Variants in ASCC3 observed in about 807,000 individuals in gnomAD.
ASCC3 encodes the protein activating signal cointegrator 1 complex subunit 3, also known as ASC-1 complex subunit P200.
ASCC3 carries 158 observed loss-of-function variants against 256.3 expected under a neutral mutation model. That is an observed-to-expected ratio of 0.62 (90% confidence interval 0.54 to 0.70). ASCC3 has a LOEUF of 0.70. ASCC3 is among the 30% of genes least tolerant of loss of function. The probability of loss-of-function intolerance (pLI) is 0.00; values close to 1 mark genes in which losing one functional copy is unlikely to be tolerated. For missense variants in ASCC3, 2,259 were observed against 2,626.0 expected (o/e 0.86, Z 3.05); for synonymous variants, 948 against 883.4 (o/e 1.07, Z -1.30).
intron 4 of ASCC3, among the ~76,000 whole-genome samples, chr6:100,828,103 A>AAC (rs1252128981): frequency 4.6e-5 from 7 of 151,220 alleles, no homozygotes; most frequent in African/African-American, 7.3e-5. Context: ...AAAAAAAAAA[A>AAC]AAAAACGAAA....
chr6:100,660,599 C>T (rs74848909), intron 16 of ASCC3, among the ~76,000 whole-genome samples: 11 of 151,670 alleles, frequency 7.3e-5, no homozygotes, highest in African/African-American at 2.4e-4. Context: ...TCTCTCTAAC[C>T]GTTATCTTCT....
intron 14 of ASCC3, among the ~76,000 whole-genome samples, chr6:100,678,744 C>G (rs558518184): frequency 1.3e-5 from 2 of 152,014 alleles, no homozygotes; most frequent in Non-Finnish European, 2.9e-5. Context: ...AGTCAGCATA[C>G]TTTTTCTGCA....
intron 4 of ASCC3, among the ~76,000 whole-genome samples, chr6:100,828,044 C>G (rs1388268956): frequency 8.0e-6 from 1 of 124,618 alleles, no homozygotes; most frequent in African/African-American, 3.0e-5. Flanking sequence ...ATGTTTTTGT[C>G]AAACACAATT....
intron 4 of ASCC3, among the ~76,000 whole-genome samples, chr6:100,832,591 G>A (rs1340606182): frequency 6.6e-6 from 1 of 152,012 alleles, no homozygotes; most frequent in African/African-American, 2.4e-5. Context: ...AAGAAAGAAA[G>A]CTCTCAAAAA....
intron 36 of ASCC3, among the ~76,000 whole-genome samples, chr6:100,583,175 T>C (rs1201186842): frequency 6.6e-6 from 1 of 152,242 alleles, no homozygotes; most frequent in Non-Finnish European, 1.5e-5. Flanking sequence ...CAGTTCCTCC[T>C]TGTACCTCTT....
intron 30 of ASCC3, among the ~76,000 whole-genome samples, chr6:100,620,234 T>C (rs1469342008): frequency 6.6e-6 from 1 of 152,124 alleles, no homozygotes; most frequent in Non-Finnish European, 1.5e-5. Context: ...AAAGACCTAA[T>C]AATAGCTTGA....
chr6:100,810,823 A>G (rs548263987), intron 4 of ASCC3, among the ~76,000 whole-genome samples: 1 of 152,320 alleles, frequency 6.6e-6, no homozygotes, highest in East Asian at 1.9e-4. Flanking sequence ...AATGGTTAAC[A>G]TAACAAGTAT....
chr6:100,765,822 C>T (rs1781629546), intron 10 of ASCC3, among the ~76,000 whole-genome samples: 1 of 152,216 alleles, frequency 6.6e-6, no homozygotes. Flanking sequence ...AATTAATTCA[C>T]ACCCCAATCA....
chr6:100,648,525 G>T (rs541673779), intron 20 of ASCC3, among the ~76,000 whole-genome samples: 2 of 151,894 alleles, frequency 1.3e-5, no homozygotes, highest in African/African-American at 4.8e-5. Flanking sequence ...TAAGATATGC[G>T]CTGTCTTTTG....
chr6:100,789,905 C>T (rs761689011), intron 8 of ASCC3, among the ~76,000 whole-genome samples: 24 of 151,978 alleles, frequency 1.6e-4, no homozygotes, highest in Non-Finnish European at 2.5e-4. Flanking sequence ...TTACCAAGAA[C>T]GTGAGACCTT....
chr6:100,675,401 G>A (rs1290955779), intron 14 of ASCC3, among the ~76,000 whole-genome samples: 5 of 152,054 alleles, frequency 3.3e-5, no homozygotes, highest in African/African-American at 2.4e-5. Context: ...ATACCATCTC[G>A]GAAGAGACGA....
chr6:100,739,183 C>T (rs1780314577), intron 10 of ASCC3, among the ~76,000 whole-genome samples: 1 of 152,184 alleles, frequency 6.6e-6, no homozygotes, highest in Non-Finnish European at 1.5e-5. Flanking sequence ...GGCTTTTCTG[C>T]ATCTATTGAG....
rs1242700515 is a variant in ASCC3 at position 100,601,811 on chromosome 6, T to C, written c.5302A>G (p.Ser1768Gly). The change falls in exon 34 of 42, where the codon AGC becomes GGC. Residue 1768 changes from serine to glycine, a missense_variant and splice_region_variant. Around this residue, in one of 2 missense-constraint regions of ASCC3, gnomAD observed 1,839 missense variants for 2,206.7 expected, o/e 0.83. Coordinates refer to ENST00000369162, the MANE Select transcript of ASCC3 (RefSeq NM_006828.4). Reference sequence around the variant, plus strand: ...GTATATAACTGCCCTTGCACTTACCTGGGATTCATGATAAGACGTCGGAAA... The same window carrying C: ...GTATATAACTGCCCTTGCACTTACCCGGGATTCATGATAAGACGTCGGAAA... ...YFFRRLIMNP[S>G]YYNLGDVSHD... The C allele has an allele frequency of 6.2e-7, 1 of 1,612,058 alleles. No individual in the cohort carries two copies. Among genetic ancestry groups the C allele is most frequent in the East Asian group, 2.2e-5 (1 of 44,750 alleles).
rs565252305 is a variant in ASCC3, at chr6:100,732,759, A to G, written c.1738-7056T>C. ...AAACTCTCTCTCACACAATGTTATG[A>G]AATGCAATGGTCATCTATGTGGTAC... On this transcript the variant is annotated intron_variant, in intron 10 of 41. Transcript: ENST00000369162. Among the ~76,000 whole-genome samples the G allele has an allele frequency of 7.5e-4, 107 of 142,498 alleles. 4 individuals are homozygous for G. The South Asian group carries it at 0.025, about 34-fold the overall frequency. The allele number at this position is 142,498 out of a possible 152,430, so 93.5% of individuals were successfully genotyped here.
intron 36 of ASCC3, among the ~76,000 whole-genome samples, chr6:100,564,168 G>A (rs987156531): frequency 6.1e-5 from 9 of 147,302 alleles, no homozygotes; most frequent in South Asian, 2.1e-4. Context: ...TTTTTAATAC[G>A]TGCATACAAT....
Position 100,767,142 on chromosome 6 carries a change from T to C in ASCC3, c.1596+3A>G, listed in dbSNP as rs774656611. On this transcript the variant is annotated splice_donor_region_variant and intron_variant, in intron 9 of 41. Coordinates refer to ENST00000369162, the MANE Select transcript of ASCC3 (RefSeq NM_006828.4). ...AAAGCTGTTGTCTGATTTATTTACT[T>C]ACCTTAAATTCATTCTTTTTGATAA... 6.8e-6 allele frequency: 11 copies of C among 1,612,766 alleles called. No individual in the cohort carries two copies. In the South Asian group the frequency reaches 1.2e-4, roughly 18 times the overall value.
At chr6:100,724,073 C>A (rs1779501363) in intron 11 of ASCC3, among the ~76,000 whole-genome samples, 1 of 141,238 alleles carries the variant, frequency 7.1e-6, no homozygotes, top group Non-Finnish European at 1.5e-5. Flanking sequence ...TCTTAGAGAA[C>A]ATAAACAATA....
At chr6:100,530,862 T>A (rs1415319381) in intron 37 of ASCC3, 1 of 1,277,774 alleles carries the variant, frequency 7.8e-7, no homozygotes, top group Non-Finnish European at 1.1e-6. Flanking sequence ...CTTAGACTTA[T>A]GGAATAAATT....
At chr6:100,525,377 C>T (rs1366984661) in intron 37 of ASCC3, among the ~76,000 whole-genome samples, 1 of 151,560 alleles carries the variant, frequency 6.6e-6, no homozygotes, top group Non-Finnish European at 1.5e-5. Flanking sequence ...TAAAGTATCA[C>T]AAGAATGCAA....
Sources: gnomAD v4.1 joint callset for allele counts (sites outside exome capture counted in the v4.1 genomes callset) on GRCh38, gnomAD v4.1.1 for gene constraint, gnomAD v4.1.1 regional missense constraint, MANE v1.5 for transcripts, NCBI Gene and HGNC (gene_info 2026-07-23, HGNC 2026-07-21) for gene names.